MEGF11: variants seen among roughly 807,000 people sequenced by gnomAD.
MEGF11 encodes multiple EGF like domains 11, also known as multiple epidermal growth factor-like domains protein 11.
Under a neutral mutation model 146.6 loss-of-function variants are expected in MEGF11, and 126 were observed. The ratio of observed to expected loss-of-function variants is 0.86; its 90% CI spans 0.74 to 1.00. MEGF11 has a LOEUF of 1.00. Among genes scored for constraint, MEGF11 ranks in the 50% least tolerant of loss-of-function variants. MEGF11 has a pLI of 0.00. For synonymous variants in MEGF11, 532 were observed against 583.4 expected (o/e 0.91, Z 1.27); for missense variants, 1,509 against 1,521.2 (o/e 0.99, Z 0.13).
In MEGF11 at chr15:66,221,337, G is replaced by A. The variant is rs559047772; in HGVS notation, c.-9+32268C>T. On this transcript the variant is annotated intron_variant, in intron 1 of 25. Transcript: ENST00000395614. The stretch of plus-strand genomic sequence containing the variant: ...ACTCCTGAATCCTGCCCATGCTTCC[G>A]GCCCCAGCTCAGTCCTGCTTCTTCT... 1.1e-3 allele frequency among the ~76,000 whole-genome samples: 164 copies of A among 152,074 alleles called. 1 individual carries two copies. Among genetic ancestry groups the A allele is most frequent in the African/African-American group, 3.6e-3 (150 of 41,494 alleles).
intron 1 of MEGF11, among the ~76,000 whole-genome samples, chr15:66,154,988 G>A (rs2089703692): frequency 6.6e-6 from 1 of 152,200 alleles, no homozygotes; most frequent in Non-Finnish European, 1.5e-5. Flanking sequence ...TTCCCTTCAG[G>A]GGAAACTGAA....
chr15:66,014,186 A>G (rs1292530001), intron 5 of MEGF11, among the ~76,000 whole-genome samples: 3 of 152,246 alleles, frequency 2.0e-5, no homozygotes, highest in African/African-American at 7.2e-5. Context: ...TAGCACTGAT[A>G]GCACCTGCAA....
At chr15:66,067,569 A>G (rs960666058) in intron 5 of MEGF11, among the ~76,000 whole-genome samples, 1 of 152,048 alleles carries the variant, frequency 6.6e-6, no homozygotes, top group Admixed American at 6.5e-5. Context: ...GGCAGGTGGG[A>G]CCCTTTGCCT....
At chr15:65,922,513 C>G in intron 14 of MEGF11, 41 bp from the exon 15 acceptor site, 1 of 1,504,122 alleles carries the variant, frequency 6.6e-7, no homozygotes, top group South Asian at 1.3e-5. Context: ...GCCCAAGAGA[C>G]CCCAGCCAGC....
At chr15:65,957,763 G>C in intron 9 of MEGF11, 42 bp from the exon 10 acceptor site, 1 of 1,602,560 alleles carries the variant, frequency 6.2e-7, no homozygotes, top group East Asian at 2.2e-5. Context: ...CTTGTTCTGG[G>C]AAGCAGCCAT....
intron 1 of MEGF11, among the ~76,000 whole-genome samples, chr15:66,174,262 G>C (rs1467082905): frequency 6.6e-6 from 1 of 152,234 alleles, no homozygotes; most frequent in Non-Finnish European, 1.5e-5. Context: ...GATAAGGCCA[G>C]AGATCAGAAA....
Position 65,943,166 on chromosome 15 carries a change from C to T in MEGF11, c.1288-12223G>A, listed in dbSNP as rs144315795. On this transcript the variant is annotated intron_variant, in intron 10 of 25. Coordinates refer to ENST00000395614, the MANE Select transcript of MEGF11 (RefSeq NM_001385028.1). ...CTGGCTAATTTACTAAAAGTAGAGACGGGGTTTCACCATGTTGGCCAGGCT... is the reference window on the plus strand; with the variant it reads ...CTGGCTAATTTACTAAAAGTAGAGATGGGGTTTCACCATGTTGGCCAGGCT... 1.2e-4 allele frequency among the ~76,000 whole-genome samples: 18 copies of T among 151,874 alleles called. No individual in the cohort carries two copies. The East Asian group carries it at 1.6e-3, about 13-fold the overall frequency.
At chr15:65,920,651 AG>A (rs1236667317) in intron 15 of MEGF11, among the ~76,000 whole-genome samples, 3 of 152,262 alleles carry the variant, frequency 2.0e-5, no homozygotes, top group Non-Finnish European at 4.4e-5. Flanking sequence ...AGTGGACAGA[AG>A]GGGGGCTGGT....
At chr15:66,061,211 T>C (rs545956116) in intron 5 of MEGF11, among the ~76,000 whole-genome samples, 2 of 152,348 alleles carry the variant, frequency 1.3e-5, no homozygotes, top group East Asian at 1.9e-4. Flanking sequence ...GTCCCGACTC[T>C]GATCAGAGGA....
At chr15:66,050,254 G>C (rs1428189928) in intron 5 of MEGF11, among the ~76,000 whole-genome samples, 1 of 148,856 alleles carries the variant, frequency 6.7e-6, no homozygotes, top group Non-Finnish European at 1.5e-5. Context: ...GGAAAAGACA[G>C]AGGATAAACA....
intron 10 of MEGF11, among the ~76,000 whole-genome samples, chr15:65,932,590 G>A (rs1047075561): frequency 2.0e-5 from 3 of 152,080 alleles, no homozygotes; most frequent in Non-Finnish European, 4.4e-5. Context: ...GTGCAGAGGA[G>A]TATGAGCTGG....
chr15:65,904,486 T>C lies in MEGF11; in HGVS notation c.3055+1599A>G, dbSNP rs571823075. Among the ~76,000 whole-genome samples the C allele has an allele frequency of 3.3e-5, 5 of 152,212 alleles. No homozygotes were observed. In the South Asian group the frequency reaches 1.0e-3, roughly 31 times the overall value. On this transcript the variant is annotated intron_variant, in intron 24 of 25. Transcript: ENST00000395614. ...TGTATATCCTAACAAAGGCCGATAG[T>C]GACTCAGCCTTATCGCTGTCTTGTT...
intron 1 of MEGF11, among the ~76,000 whole-genome samples, chr15:66,189,977 T>C (rs561333390): frequency 1.3e-5 from 2 of 152,220 alleles, no homozygotes; most frequent in East Asian, 3.9e-4. Flanking sequence ...CTAGACCTTG[T>C]CTCCAAAAAA....
intron 5 of MEGF11, among the ~76,000 whole-genome samples, chr15:66,037,587 G>A (rs1313416641): frequency 1.3e-5 from 2 of 152,118 alleles, no homozygotes; most frequent in Non-Finnish European, 2.9e-5. Context: ...AAATTCTCCT[G>A]GTCCCATCAT....
rs60154748 is a variant in MEGF11, at chr15:65,980,395, C to CTTTTTTTTT, written c.762+374_762+382dup. 8.7e-4 allele frequency among the ~76,000 whole-genome samples: 77 copies of CTTTTTTTTT among 88,198 alleles called. 4 individuals are homozygous for CTTTTTTTTT. Among genetic ancestry groups the CTTTTTTTTT allele is most frequent in the African/African-American group, 2.9e-3 (59 of 20,196 alleles). 57.9% of individuals were successfully genotyped at this position (88,198 alleles called of 152,430 possible). On this transcript the variant is annotated intron_variant, in intron 7 of 25. Coordinates refer to ENST00000395614, the MANE Select transcript of MEGF11 (RefSeq NM_001385028.1). ...TATTCAGAGTGGGAGAAGAATTCAG[C>CTTTTTTTTT]TTTTTTTTTTTTTTTTTTTTTTTTG...
chr15:66,084,351 C>T (rs759354832), intron 5 of MEGF11, among the ~76,000 whole-genome samples: 8 of 152,134 alleles, frequency 5.3e-5, no homozygotes, highest in South Asian at 4.2e-4. Flanking sequence ...CCGGACAATG[C>T]GGCGGCTTGC....
At chr15:66,215,823 G>C (rs2091568454) in intron 1 of MEGF11, among the ~76,000 whole-genome samples, 1 of 152,196 alleles carries the variant, frequency 6.6e-6, no homozygotes, top group African/African-American at 2.4e-5. Flanking sequence ...ACCCTGAGAG[G>C]AACTAGGAAT....
chr15:66,181,965 C>T (rs2090561684), intron 1 of MEGF11, among the ~76,000 whole-genome samples: 1 of 152,166 alleles, frequency 6.6e-6, no homozygotes, highest in Admixed American at 6.5e-5. Flanking sequence ...GACCTTCTGC[C>T]CAAGCCCCAC....
chr15:66,126,865 G>A (rs1393599162), intron 2 of MEGF11, among the ~76,000 whole-genome samples: 3 of 152,190 alleles, frequency 2.0e-5, no homozygotes, highest in African/African-American at 4.8e-5. Flanking sequence ...TCAGAATCAC[G>A]TAGAAAGCTT....
Sources: allele counts gnomAD v4.1 joint callset (sites outside exome capture counted in the v4.1 genomes callset), GRCh38; gene constraint gnomAD v4.1.1; transcripts MANE v1.5; gene names NCBI Gene and HGNC (gene_info 2026-07-23, HGNC 2026-07-21).